Variants in HTR1F observed in about 807,000 individuals in gnomAD.
The protein encoded by HTR1F is 5-hydroxytryptamine receptor 1F, also known as 5-hydroxytryptamine (serotonin) receptor 1F, G protein-coupled.
In HTR1F, 17 loss-of-function variants were observed where a neutral mutation model predicts 24.0. That is an observed-to-expected ratio of 0.71 (90% CI 0.48 to 1.06). The LOEUF (loss-of-function observed/expected upper bound fraction) is 1.06. HTR1F is among the 50% of genes least tolerant of loss of function. The probability of loss-of-function intolerance (pLI) is 0.00; values close to 1 mark genes in which losing one functional copy is unlikely to be tolerated. For synonymous variants in HTR1F, 186 were observed against 156.8 expected, an observed-to-expected ratio of 1.19 and a Z score of -1.39; for missense variants, 391 against 427.8, an observed-to-expected ratio of 0.91 and a Z score of 0.76.
At chr3:87,872,414 AAAT>A (rs1705578461) in intron 2 of HTR1F, among the ~76,000 whole-genome samples, 1 of 152,094 alleles carries the variant, frequency 6.6e-6, no homozygotes, top group Non-Finnish European at 1.5e-5. Flanking sequence ...TGAAGAAAGT[AAAT>A]AATAGAAATT....
intron 2 of HTR1F, among the ~76,000 whole-genome samples, chr3:87,839,768 A>G (rs531655587): frequency 1.3e-5 from 2 of 152,106 alleles, no homozygotes; most frequent in African/African-American, 4.8e-5. Context: ...ACTCTCCCCC[A>G]TCTTGTATTC....
chr3:87,827,852 T>C (rs1397245905), intron 2 of HTR1F, among the ~76,000 whole-genome samples: 1 of 152,176 alleles, frequency 6.6e-6, no homozygotes, highest in East Asian at 1.9e-4. Flanking sequence ...GTATCATAGT[T>C]TCAGTACAAC....
chr3:87,937,898 T>G (rs1470359453), intron 2 of HTR1F, among the ~76,000 whole-genome samples: 6 of 146,302 alleles, frequency 4.1e-5, no homozygotes, highest in Non-Finnish European at 7.4e-5. Context: ...CACTCCAGCT[T>G]GGGCAATAGA....
intron 2 of HTR1F, among the ~76,000 whole-genome samples, chr3:87,925,333 G>T (rs1439073122): frequency 3.3e-5 from 5 of 152,116 alleles, no homozygotes; most frequent in Admixed American, 1.3e-4. Context: ...TGTTGTGGGT[G>T]CTGGGTGGTC....
chr3:87,897,562 CTTACA>C (rs1706229699), intron 2 of HTR1F, among the ~76,000 whole-genome samples: 1 of 152,202 alleles, frequency 6.6e-6, no homozygotes, highest in African/African-American at 2.4e-5. Context: ...AGCTTACTAA[CTTACA>C]TCTGTCCTAT....
At chr3:87,806,848 T>G (rs762422575) in intron 1 of HTR1F, among the ~76,000 whole-genome samples, 13 of 152,004 alleles carry the variant, frequency 8.6e-5, no homozygotes, top group Non-Finnish European at 1.5e-4. Context: ...TTAGTTTCAT[T>G]TTCTGTATAC....
chr3:87,925,717 C>T (rs1576038865), intron 2 of HTR1F, among the ~76,000 whole-genome samples: 1 of 152,088 alleles, frequency 6.6e-6, no homozygotes, highest in East Asian at 1.9e-4. Flanking sequence ...TCTTATATGG[C>T]TCAGGGCCTG....
At chr3:87,880,486 T>C (rs1705767872) in intron 2 of HTR1F, among the ~76,000 whole-genome samples, 1 of 152,174 alleles carries the variant, frequency 6.6e-6, no homozygotes. Context: ...AGAAACCTGG[T>C]ATAAAGGATT....
At chr3:87,959,566 A>AGAAAGTGGTACTGTAGTTACATCAG (rs1705016833) in intron 2 of HTR1F, among the ~76,000 whole-genome samples, 2 of 152,116 alleles carry the variant, frequency 1.3e-5, no homozygotes, top group East Asian at 3.9e-4. Flanking sequence ...AGTTACATCA[A>AGAAAGTGGTACTGTAGTTACATCAG]GAAAGTGGTA....
intron 2 of HTR1F, among the ~76,000 whole-genome samples, chr3:87,868,619 T>G (rs935734345): frequency 6.6e-6 from 1 of 151,724 alleles, no homozygotes; most frequent in African/African-American, 2.4e-5. Flanking sequence ...AAATATATAT[T>G]TTAGATAAGA....
At chr3:87,844,317 A>C (rs199962296) in intron 2 of HTR1F, among the ~76,000 whole-genome samples, 46,235 of 141,456 alleles carry the variant, frequency 0.33, 10,623 homozygotes, top group African/African-American at 0.69. Flanking sequence ...TTGGCTGCAT[A>C]AATGTCTTCT....
intron 2 of HTR1F, among the ~76,000 whole-genome samples, chr3:87,934,653 A>T (rs1704367619): frequency 1.3e-5 from 2 of 152,154 alleles, no homozygotes; most frequent in Non-Finnish European, 2.9e-5. Flanking sequence ...TTCTCCCAAG[A>T]TGACTTCAAC....
intron 2 of HTR1F, among the ~76,000 whole-genome samples, chr3:87,848,153 T>C (rs777236019): frequency 2.6e-5 from 4 of 151,924 alleles, no homozygotes; most frequent in Non-Finnish European, 5.9e-5. Context: ...GAGTTCCCTT[T>C]TCAGCACATC....
intron 2 of HTR1F, among the ~76,000 whole-genome samples, chr3:87,878,029 T>G (rs376942929): frequency 1.3e-5 from 2 of 152,176 alleles, no homozygotes; most frequent in Non-Finnish European, 2.9e-5. Flanking sequence ...ACTTGAACGA[T>G]TGATAGTGGT....
chr3:87,856,854 T>C (rs189198900), intron 2 of HTR1F, among the ~76,000 whole-genome samples: 8 of 152,292 alleles, frequency 5.3e-5, no homozygotes, highest in South Asian at 4.1e-4. Context: ...CCTGTTTTTA[T>C]ATAATCTAAT....
intron 2 of HTR1F, among the ~76,000 whole-genome samples, chr3:87,842,117 T>C (rs1211217230): frequency 6.6e-6 from 1 of 151,710 alleles, no homozygotes; most frequent in Non-Finnish European, 1.5e-5. Flanking sequence ...ATGAAAAATC[T>C]CTGAACATTA....
At chr3:87,899,350 C>T (rs920462601) in intron 2 of HTR1F, among the ~76,000 whole-genome samples, 2 of 152,152 alleles carry the variant, frequency 1.3e-5, no homozygotes, top group South Asian at 2.1e-4. Context: ...ATTAAAACAG[C>T]TTTTTAGAAA....
chr3:87,810,630 A>T (rs567596679), intron 1 of HTR1F, among the ~76,000 whole-genome samples: 2 of 152,300 alleles, frequency 1.3e-5, no homozygotes, highest in South Asian at 4.1e-4. Context: ...CATCAAACTG[A>T]ATCACACTAT....
intron 2 of HTR1F, among the ~76,000 whole-genome samples, chr3:87,913,285 A>G (rs961888075): frequency 2.0e-5 from 3 of 152,212 alleles, no homozygotes; most frequent in South Asian, 2.1e-4. Context: ...GGGCATGAAC[A>G]GACACCTTTC....
Sources: allele counts gnomAD v4.1 joint callset (sites outside exome capture counted in the v4.1 genomes callset), GRCh38; gene constraint gnomAD v4.1.1; transcripts MANE v1.5; gene names NCBI Gene and HGNC (gene_info 2026-07-23, HGNC 2026-07-21).